The following ADAMTSL1 variants were observed in gnomAD, a reference collection of about 807,000 sequenced individuals.
ADAMTSL1 encodes the protein ADAMTS-like protein 1.
In ADAMTSL1, 126 loss-of-function variants were observed where a neutral mutation model predicts 201.8. The ratio of observed to expected loss-of-function variants is 0.62; its 90% confidence interval spans 0.54 to 0.72. ADAMTSL1 has a LOEUF of 0.72. ADAMTSL1 is among the 30% of genes least tolerant of loss of function. ADAMTSL1 has a pLI of 0.00. For missense variants in ADAMTSL1, 2,679 were observed against 2,277.8 expected, an observed-to-expected ratio of 1.18 and a Z score of -3.59; for synonymous variants, 1,121 against 903.4, an observed-to-expected ratio of 1.24 and a Z score of -4.32.
intron 1 of ADAMTSL1, among the ~76,000 whole-genome samples, chr9:18,007,063 A>G (rs1455485127): frequency 6.6e-6 from 1 of 152,058 alleles, no homozygotes; most frequent in Non-Finnish European, 1.5e-5. Context: ...TTTAAAGCCT[A>G]AAGCTAACTT....
At chr9:18,659,886 G>T (rs1055541575) in intron 8 of ADAMTSL1, among the ~76,000 whole-genome samples, 13 of 150,942 alleles carry the variant, frequency 8.6e-5, no homozygotes, top group African/African-American at 1.2e-4. Context: ...ATAGGAAATA[G>T]TTTCAAGGAA....
At chr9:18,606,410 T>C (rs1252934981) in intron 4 of ADAMTSL1, among the ~76,000 whole-genome samples, 4 of 152,150 alleles carry the variant, frequency 2.6e-5, no homozygotes. Context: ...TGAGATGTAG[T>C]GGGCTAGGTT....
chr9:18,471,625 A>G (rs1383758937), upstream of ADAMTSL1, among the ~76,000 whole-genome samples: 2 of 152,176 alleles, frequency 1.3e-5, no homozygotes, highest in African/African-American at 4.8e-5. Flanking sequence ...TTTCACCTGT[A>G]CTGTGTAGCT....
At chr9:18,558,789 G>A (rs887862338) in intron 3 of ADAMTSL1, among the ~76,000 whole-genome samples, 1 of 151,754 alleles carries the variant, frequency 6.6e-6, no homozygotes. Flanking sequence ...TCGTATGTTT[G>A]TTGGCCACAT....
At chr9:18,669,561 C>T (rs1476804529) in intron 9 of ADAMTSL1, among the ~76,000 whole-genome samples, 3 of 152,000 alleles carry the variant, frequency 2.0e-5, no homozygotes, top group Non-Finnish European at 4.4e-5. Flanking sequence ...AAAATGGGAC[C>T]TAATTATAGA....
At chr9:18,564,199 C>G (rs926113113) in intron 3 of ADAMTSL1, among the ~76,000 whole-genome samples, 7 of 152,206 alleles carry the variant, frequency 4.6e-5, no homozygotes, top group Non-Finnish European at 7.3e-5. Flanking sequence ...GAAGAGCATA[C>G]TGGCTGGGCC....
intron 2 of ADAMTSL1, among the ~76,000 whole-genome samples, chr9:18,242,742 C>A (rs1188579476): frequency 1.3e-5 from 2 of 151,958 alleles, no homozygotes; most frequent in Non-Finnish European, 2.9e-5. Context: ...ATTGATAAAA[C>A]AATCCCATTT....
intron 14 of ADAMTSL1, chr9:18,718,577 C>T (rs1195001870): frequency 9.2e-6 from 4 of 435,180 alleles, no homozygotes; most frequent in African/African-American, 2.0e-5. Flanking sequence ...ACCGGGTTCC[C>T]GCAGCCAGTG....
intron 2 of ADAMTSL1, among the ~76,000 whole-genome samples, chr9:18,397,981 C>G (rs1817820037): frequency 6.6e-6 from 1 of 152,022 alleles, no homozygotes; most frequent in African/African-American, 2.4e-5. Context: ...TTTAAAGACC[C>G]CAGGAGCAGT....
chr9:18,394,989 A>G (rs909903893), intron 2 of ADAMTSL1, among the ~76,000 whole-genome samples: 1 of 152,172 alleles, frequency 6.6e-6, no homozygotes, highest in Non-Finnish European at 1.5e-5. Flanking sequence ...TTTGTCAAAG[A>G]TTCTTGGAAA....
intron 1 of ADAMTSL1, among the ~76,000 whole-genome samples, chr9:17,917,952 A>C (rs1480026418): frequency 6.6e-6 from 1 of 151,944 alleles, no homozygotes; most frequent in East Asian, 1.9e-4. Context: ...TCATTGGTGT[A>C]AAGTAGTTCA....
intron 2 of ADAMTSL1, among the ~76,000 whole-genome samples, chr9:18,313,845 A>C (rs1418987083): frequency 6.6e-6 from 1 of 152,198 alleles, no homozygotes; most frequent in East Asian, 1.9e-4. Flanking sequence ...GGTTTACATT[A>C]AACTAAAGAG....
intron 7 of ADAMTSL1, among the ~76,000 whole-genome samples, chr9:18,650,686 C>T (rs1828184223): frequency 6.6e-6 from 1 of 152,222 alleles, no homozygotes; most frequent in African/African-American, 2.4e-5. Context: ...GAATATCCTT[C>T]TCTTGCCACC....
chr9:18,317,732 C>T (rs895115491), intron 2 of ADAMTSL1, among the ~76,000 whole-genome samples: 2 of 152,308 alleles, frequency 1.3e-5, no homozygotes, highest in Admixed American at 1.3e-4. Context: ...CACCTCTATC[C>T]CTGGCCTTGG....
At chr9:18,410,235 C>T (rs1028879223) in intron 2 of ADAMTSL1, among the ~76,000 whole-genome samples, 8 of 150,734 alleles carry the variant, frequency 5.3e-5, no homozygotes, top group South Asian at 2.1e-4. Context: ...CTCAAGGGTA[C>T]ATTTGCAGGA....
chr9:18,052,328 GA>G (rs747325974), intron 1 of ADAMTSL1, among the ~76,000 whole-genome samples: 2 of 152,186 alleles, frequency 1.3e-5, no homozygotes, highest in African/African-American at 2.4e-5. Flanking sequence ...CTAAGCTAGT[GA>G]AAACAGGGTA....
chr9:17,953,386 A>G (rs1563916856), intron 1 of ADAMTSL1, among the ~76,000 whole-genome samples: 1 of 152,186 alleles, frequency 6.6e-6, no homozygotes, highest in Non-Finnish European at 1.5e-5. Flanking sequence ...TATTTATTAA[A>G]AAGATTTAAG....
chr9:18,234,944 A>T (rs1456489008), intron 2 of ADAMTSL1, among the ~76,000 whole-genome samples: 1 of 152,234 alleles, frequency 6.6e-6, no homozygotes, highest in Non-Finnish European at 1.5e-5. Flanking sequence ...CAGTTATTAT[A>T]GATAGTTTCC....
chr9:17,955,985 G>A (rs756403897), intron 1 of ADAMTSL1, among the ~76,000 whole-genome samples: 11 of 152,086 alleles, frequency 7.2e-5, no homozygotes, highest in Non-Finnish European at 1.6e-4. Flanking sequence ...AAACAAATCT[G>A]AAAGCTTTCA....
Sources: allele counts gnomAD v4.1 joint callset (sites outside exome capture counted in the v4.1 genomes callset), GRCh38; gene constraint gnomAD v4.1.1; transcripts MANE v1.5; gene names NCBI Gene and HGNC (gene_info 2026-07-23, HGNC 2026-07-21).